RGS8: variants seen among roughly 807,000 people sequenced by gnomAD.
RGS8 encodes the protein regulator of G protein signaling 8.
RGS8 carries 8 observed loss-of-function variants against 21.7 expected under a neutral mutation model. The observed-to-expected ratio is 0.37, with a 90% CI of 0.22 to 0.66. The LOEUF is 0.66. Among genes scored for constraint, RGS8 ranks in the 30% least tolerant of loss-of-function variants. The pLI is 0.59. For missense variants in RGS8, 157 were observed against 217.9 expected (o/e 0.72, Z 1.76); for synonymous variants, 80 against 83.6 (o/e 0.96, Z 0.24).
At chr1:182,729,544 G>A in the RGS8 span, among the ~76,000 whole-genome samples, 2,138 of 152,226 alleles carry the variant, frequency 0.014, 21 homozygotes, top group Middle Eastern at 0.071. Context: ...CTGTAAATGT[G>A]AATGACTTTA....
chr1:182,660,224 C>T (rs1227099372), intron 5 of RGS8, among the ~76,000 whole-genome samples: 1 of 152,176 alleles, frequency 6.6e-6, no homozygotes. Flanking sequence ...CCTCATCATT[C>T]CCCTTCTACA....
At position 182,656,807 on chromosome 1, in the gene RGS8, T is replaced by G. The variant is rs765260067; in HGVS notation, c.194-8504A>C. 3.4e-4 allele frequency among the ~76,000 whole-genome samples: 51 copies of G among 152,136 alleles called. 1 individual carries two copies. Among genetic ancestry groups the G allele is most frequent in the Non-Finnish European group, 5.9e-4 (40 of 68,024 alleles). ...ACCTGAGATGCAACAGAGAACAGAT[T>G]GTGGCAAAGACACCCCAACAGACAC... On this transcript the variant is annotated intron_variant, in intron 5 of 6. Coordinates refer to ENST00000483095, the Ensembl canonical transcript of RGS8.
At chr1:182,648,193 C>A in exon 6 of RGS8, 1 of 1,613,700 alleles carries the variant, frequency 6.2e-7, no homozygotes. Flanking sequence ...GCCTTAGAGA[C>A]CAGTTTTGCA....
exon 4 of RGS8, chr1:182,666,908 G>C: frequency 6.2e-7 from 1 of 1,614,176 alleles, no homozygotes; most frequent in African/African-American, 1.3e-5. Context: ...AAGAATAGCT[G>C]TGAAATCACT....
chr1:182,656,173 C>T (rs1663267466), intron 5 of RGS8, among the ~76,000 whole-genome samples: 2 of 152,214 alleles, frequency 1.3e-5, no homozygotes, highest in African/African-American at 4.8e-5. Context: ...TTTGTAGTCG[C>T]TTGGCCAGTA....
At chr1:182,719,316 A>G in the RGS8 span, among the ~76,000 whole-genome samples, 8 of 151,028 alleles carry the variant, frequency 5.3e-5, no homozygotes, top group African/African-American at 4.9e-5. Flanking sequence ...CCAAAAATGT[A>G]TAAGTATCCT....
At chr1:182,659,412 A>G (rs1233050472) in intron 5 of RGS8, among the ~76,000 whole-genome samples, 1 of 152,230 alleles carries the variant, frequency 6.6e-6, no homozygotes, top group African/African-American at 2.4e-5. Context: ...AGTATTATAA[A>G]ACATGTAGCC....
downstream of RGS8, chr1:182,642,265 G>A (rs973885174): frequency 6.6e-6 from 1 of 152,242 alleles, no homozygotes; most frequent in African/African-American, 2.4e-5. Context: ...TGGCATGGTG[G>A]GACAGGCTCT....
chr1:182,681,684 C>T lies in RGS8; in HGVS notation n.221+2672G>A, dbSNP rs537239806. ...TGGGAACTGAGAGCACTCAGTGAGA[C>T]GCCTTGCTTGCGGGCATGTGCTGGT... On this transcript the variant is annotated intron_variant and non_coding_transcript_variant, in intron 1 of 4. Transcript: ENST00000515211. Among the ~76,000 whole-genome samples, 408 of 152,310 alleles carry T rather than the reference C, an allele frequency of 2.7e-3. 1 individual carries two copies. The highest frequency in any genetic ancestry group is 4.6e-3 in the Non-Finnish European group (313 of 68,030).
At chr1:182,720,922 TATATACATATATAC>T in the RGS8 span, among the ~76,000 whole-genome samples, 1 of 137,470 alleles carries the variant, frequency 7.3e-6, no homozygotes, top group South Asian at 2.3e-4. Context: ...TGTATATACA[TATATACATATATAC>T]ATATATATAC....
At chr1:182,647,264 G>T (rs1437497863) in intron 6 of RGS8, among the ~76,000 whole-genome samples, 6 of 152,354 alleles carry the variant, frequency 3.9e-5, no homozygotes, top group Non-Finnish European at 8.8e-5. Flanking sequence ...CAAAGGGATA[G>T]ATCCAAGCCA....
chr1:182,729,490 T>C, the RGS8 span, among the ~76,000 whole-genome samples: 1 of 152,232 alleles, frequency 6.6e-6, no homozygotes, highest in Non-Finnish European at 1.5e-5. Flanking sequence ...AGTAACTCCC[T>C]TAGTCACATA....
At chr1:182,740,642 G>T in the RGS8 span, among the ~76,000 whole-genome samples, 1 of 141,376 alleles carries the variant, frequency 7.1e-6, no homozygotes, top group African/African-American at 2.7e-5. Flanking sequence ...GTGGAGGGAA[G>T]GTCAGCAGAT....
chr1:182,681,781 T>A (rs1484451217), intron 1 of RGS8, among the ~76,000 whole-genome samples: 1 of 152,252 alleles, frequency 6.6e-6, no homozygotes, highest in Non-Finnish European at 1.5e-5. Flanking sequence ...TGCACGGAGA[T>A]GCTGAGCAAA....
At chr1:182,735,556 T>C in the RGS8 span, among the ~76,000 whole-genome samples, 2 of 152,004 alleles carry the variant, frequency 1.3e-5, no homozygotes, top group Admixed American at 1.3e-4. Flanking sequence ...GAGTTGGAGA[T>C]AGAAGGGAAG....
the RGS8 span, among the ~76,000 whole-genome samples, chr1:182,714,017 C>T: frequency 6.6e-6 from 1 of 152,132 alleles, no homozygotes; most frequent in African/African-American, 2.4e-5. Flanking sequence ...TAGACATTTT[C>T]TACCACGCCA....
the RGS8 span, among the ~76,000 whole-genome samples, chr1:182,717,458 GAC>G: frequency 1.3e-5 from 2 of 152,164 alleles, no homozygotes; most frequent in Non-Finnish European, 2.9e-5. Context: ...GAGATAAGAT[GAC>G]ACAGCTAACC....
rs568808444 is a variant in RGS8, at chr1:182,659,889, A to G, written c.193+6080T>C. Among the ~76,000 whole-genome samples, 4 of 152,192 alleles carry G rather than the reference A, an allele frequency of 2.6e-5. No individual in the cohort carries two copies. In the South Asian group the frequency reaches 8.3e-4, roughly 32 times the overall value. On this transcript the variant is annotated intron_variant, in intron 5 of 6. Transcript: ENST00000483095. ...ACTACATCCTCAATGGAATTCCCTCACATGCATGGGGAGGTTTGAAGGGGG... is the reference window on the plus strand; with the variant it reads ...ACTACATCCTCAATGGAATTCCCTCGCATGCATGGGGAGGTTTGAAGGGGG...
the RGS8 span, among the ~76,000 whole-genome samples, chr1:182,704,472 A>G: frequency 6.6e-6 from 1 of 152,140 alleles, no homozygotes; most frequent in African/African-American, 2.4e-5. Flanking sequence ...AGCCCTCCCA[A>G]TTTCAGTCCT....
Sources: allele counts gnomAD v4.1 joint callset (sites outside exome capture counted in the v4.1 genomes callset), GRCh38; gene constraint gnomAD v4.1.1; transcripts MANE v1.5; gene names NCBI Gene and HGNC (gene_info 2026-07-23, HGNC 2026-07-21).